Variants in PPP6R2 observed in about 807,000 individuals in gnomAD.
The protein encoded by PPP6R2 is serine/threonine-protein phosphatase 6 regulatory subunit 2.
A neutral mutation model predicts 100.2 loss-of-function variants in PPP6R2; 62 were observed. The ratio of observed to expected loss-of-function variants is 0.62; its 90% CI spans 0.50 to 0.76. The LOEUF is 0.76. Among genes scored for constraint, PPP6R2 ranks in the 30% least tolerant of loss-of-function variants. The pLI, the probability that PPP6R2 is intolerant of heterozygous loss-of-function variation, is 0.00. For missense variants in PPP6R2, 1,142 were observed against 1,276.3 expected, an observed-to-expected ratio of 0.89 and a Z score of 1.60; for synonymous variants, 525 against 514.7, an observed-to-expected ratio of 1.02 and a Z score of -0.27.
At chr22:50,421,128 A>G (rs144230109) in intron 8 of PPP6R2, among the ~76,000 whole-genome samples, 6 of 152,118 alleles carry the variant, frequency 3.9e-5, no homozygotes, top group Non-Finnish European at 8.8e-5. Context: ...GGTAGTACCT[A>G]ATACATATTT....
intron 19 of PPP6R2, 52 bp from the exon 20 acceptor site, chr22:50,439,649 T>G: frequency 6.8e-7 from 1 of 1,472,866 alleles, no homozygotes. Context: ...CCCCTTTGCC[T>G]GCAGCACCCC....
At chr22:50,375,986 G>A (rs1332300916) in intron 2 of PPP6R2, among the ~76,000 whole-genome samples, 10 of 151,550 alleles carry the variant, frequency 6.6e-5, no homozygotes, top group Admixed American at 5.9e-4. Context: ...GACTATAGGC[G>A]TGTGTCCGGC....
Position 50,423,727 on chromosome 22 carries a change from G to A in PPP6R2, c.1125+113G>A, listed in dbSNP as rs894396668. ...CAGCATTTGGACAAAGCTCTGCCAC[G>A]GGGAGGTTCCAGTCCCAAGTCCCAA... On this transcript the variant is annotated intron_variant, in intron 10 of 23. Transcript: ENST00000612753. The surrounding 1 kb of genome is among the most constrained non-coding windows in gnomAD (Gnocchi z 4.8). 5.5e-5 allele frequency: 75 copies of A among 1,368,182 alleles called. No homozygotes were observed. The highest frequency in any genetic ancestry group is 3.5e-4 in the African/African-American group (24 of 69,344). 84.8% of individuals were successfully genotyped at this position (1,368,182 alleles called of 1,614,324 possible). A position where few individuals can be genotyped will look rare whatever the true frequency, so the allele number is the denominator to read the frequency against.
At chr22:50,381,907 CAAAAAAAA>C (rs369812450) in intron 2 of PPP6R2, among the ~76,000 whole-genome samples, 17 of 95,720 alleles carry the variant, frequency 1.8e-4, no homozygotes, top group Non-Finnish European at 2.1e-5. Context: ...GACTCCGTCT[CAAAAAAAA>C]AAAAAAGAAA....
chr22:50,357,744 C>T (rs1444317832), intron 1 of PPP6R2, among the ~76,000 whole-genome samples: 8 of 151,986 alleles, frequency 5.3e-5, no homozygotes, highest in Admixed American at 5.2e-4. Flanking sequence ...CTGCCTCGGC[C>T]TCCCGAGTAG....
chr22:50,339,616 G>A (rs912095178), upstream of PPP6R2, among the ~76,000 whole-genome samples: 1 of 137,996 alleles, frequency 7.2e-6, no homozygotes, highest in African/African-American at 2.7e-5. Context: ...GGTGTGTGTG[G>A]TATGTAGTGT....
intron 1 of PPP6R2, among the ~76,000 whole-genome samples, chr22:50,362,164 G>T (rs1348748050): frequency 6.6e-6 from 1 of 152,320 alleles, no homozygotes; most frequent in East Asian, 1.9e-4. Flanking sequence ...CTTAGCACTG[G>T]TGATGAGGAA....
At chr22:50,331,338 G>A in the PPP6R2 span, among the ~76,000 whole-genome samples, 1 of 151,878 alleles carries the variant, frequency 6.6e-6, no homozygotes, top group Non-Finnish European at 1.5e-5. Flanking sequence ...GAAAGTATTG[G>A]GCTGTATGGT....
chr22:50,402,843 GTCCC>G (rs2058268567), intron 3 of PPP6R2, among the ~76,000 whole-genome samples: 1 of 152,220 alleles, frequency 6.6e-6, no homozygotes, highest in African/African-American at 2.4e-5. Flanking sequence ...GAAAATCTTA[GTCCC>G]TCCATCTAGA....
chr22:50,399,368 T>C (rs950255580), intron 3 of PPP6R2, among the ~76,000 whole-genome samples: 3 of 152,138 alleles, frequency 2.0e-5, no homozygotes, highest in African/African-American at 7.2e-5. Flanking sequence ...CTACAGAAAA[T>C]AGTAAACAAA....
At chr22:50,347,288 TCCTG>T (rs2043998055) in intron 1 of PPP6R2, among the ~76,000 whole-genome samples, 1 of 152,056 alleles carries the variant, frequency 6.6e-6, no homozygotes, top group African/African-American at 2.4e-5. Context: ...ACTGCTTCTC[TCCTG>T]CCTGTCAGTG....
chr22:50,348,827 G>C (rs1053325717), intron 1 of PPP6R2, among the ~76,000 whole-genome samples: 1 of 152,106 alleles, frequency 6.6e-6, no homozygotes, highest in African/African-American at 2.4e-5. Flanking sequence ...CAGCACTTTG[G>C]GAGGCTGAGG....
chr22:50,358,998 C>CCCG (rs2047197447), intron 1 of PPP6R2, among the ~76,000 whole-genome samples: 1 of 101,706 alleles, frequency 9.8e-6, no homozygotes, highest in East Asian at 3.6e-4. Flanking sequence ...CCGCCCCCCC[C>CCCG]CCCCCCCCAA....
At chr22:50,393,865 G>T in intron 2 of PPP6R2, 28 bp from the exon 3 acceptor site, 1 of 1,612,708 alleles carries the variant, frequency 6.2e-7, no homozygotes, top group South Asian at 1.1e-5. Flanking sequence ...AAGGGTGAGA[G>T]ACGTGACCCC....
Position 50,431,523 on chromosome 22 carries a change from T to A in PPP6R2, c.1335+141T>A. ...TTGAAAAGGGTCCCCAGGTGTCTGG[T>A]CAGACGCTCGTAGACAGTGGGGCTT... On this transcript the variant is annotated intron_variant, in intron 11 of 23. Coordinates refer to ENST00000612753, the MANE Select transcript of PPP6R2 (RefSeq NM_001242898.2). The surrounding 1 kb of genome is among the most constrained non-coding windows in gnomAD (Gnocchi z 4.8). 1.4e-6 allele frequency: 1 copy of A among 735,728 alleles called. No individual in the cohort carries two copies. The highest frequency in any genetic ancestry group is 2.2e-6 in the Non-Finnish European group (1 of 454,074). The allele number at this position is 735,728 out of a possible 1,614,324, so 45.6% of individuals were successfully genotyped here.
intron 13 of PPP6R2, among the ~76,000 whole-genome samples, chr22:50,435,843 G>C (rs1233409282): frequency 6.6e-6 from 1 of 152,328 alleles, no homozygotes; most frequent in Admixed American, 6.5e-5. Context: ...GGCAGTTTAA[G>C]GAGGCGAGGG....
intron 4 of PPP6R2, among the ~76,000 whole-genome samples, chr22:50,410,439 T>C (rs2147285394): frequency 6.6e-6 from 1 of 152,100 alleles, no homozygotes; most frequent in East Asian, 1.9e-4. Context: ...TCTTAGGTAT[T>C]TGATATCTTT....
chr22:50,371,683 A>G (rs1335274564), intron 1 of PPP6R2, among the ~76,000 whole-genome samples: 37 of 152,106 alleles, frequency 2.4e-4, no homozygotes, highest in African/African-American at 8.9e-4. Context: ...CTGGTCACCC[A>G]GGCTGGAGTG....
At chr22:50,348,014 A>G (rs900005362) in intron 1 of PPP6R2, among the ~76,000 whole-genome samples, 12 of 152,186 alleles carry the variant, frequency 7.9e-5, no homozygotes, top group African/African-American at 2.7e-4. Flanking sequence ...CTTTGAGACA[A>G]ATTGGGGGAC....
Sources: gnomAD v4.1 joint callset for allele counts (sites outside exome capture counted in the v4.1 genomes callset) on GRCh38, gnomAD v4.1.1 for gene constraint, Gnocchi (gnomAD v3.1) non-coding constraint, MANE v1.5 for transcripts, NCBI Gene and HGNC (gene_info 2026-07-23, HGNC 2026-07-21) for gene names.